Variants in MAT1A observed in about 807,000 individuals in gnomAD.
MAT1A encodes the protein S-adenosylmethionine synthase isoform type-1.
MAT1A carries 19 observed loss-of-function variants against 44.0 expected under a neutral mutation model. That is an observed-to-expected ratio of 0.43 (90% CI 0.30 to 0.63). MAT1A has a LOEUF of 0.63. Ranked by LOEUF, MAT1A falls within the 30% of genes least tolerant of loss-of-function variation. The probability of loss-of-function intolerance (pLI) is 0.12; values close to 1 mark genes in which losing one functional copy is unlikely to be tolerated. For synonymous variants in MAT1A, 205 were observed against 205.6 expected (o/e 1.00, Z 0.03); for missense variants, 397 against 531.0 (o/e 0.75, Z 2.48).
intron 3 of MAT1A, among the ~76,000 whole-genome samples, chr10:80,281,677 A>G (rs1475676895): frequency 6.6e-6 from 1 of 152,172 alleles, no homozygotes; most frequent in Non-Finnish European, 1.5e-5. Context: ...TCCTACCCAC[A>G]CAGCCTGAAA....
At chr10:80,280,901 G>A in intron 3 of MAT1A, 109 bp from the exon 4 acceptor site, 1 of 821,328 alleles carries the variant, frequency 1.2e-6, no homozygotes, top group South Asian at 1.4e-5. Context: ...GTCAGCGTGG[G>A]GGTTCCCTAA....
At chr10:80,288,746 C>A (rs1274740154) in intron 1 of MAT1A, among the ~76,000 whole-genome samples, 2 of 151,990 alleles carry the variant, frequency 1.3e-5, no homozygotes, top group African/African-American at 4.8e-5. Flanking sequence ...TCCCTGTTGA[C>A]TTAAATTGGC....
chr10:80,273,729 G>A lies in MAT1A; in HGVS notation c.*52C>T. The stretch of plus-strand genomic sequence containing the variant: ...GCAGCCAGGCGTCTGGGGAAGAGGA[G>A]CATGGCCACCAGGTGCCTCCAGGGT... On this transcript the variant is annotated 3_prime_UTR_variant, in exon 9 of 9. Transcript: ENST00000372213. 1.1e-5 allele frequency: 14 copies of A among 1,310,698 alleles called. No homozygotes were observed. Among genetic ancestry groups the A allele is most frequent in the Non-Finnish European group, 1.5e-5 (14 of 905,788 alleles). The allele number at this position is 1,310,698 out of a possible 1,614,324, so 81.2% of individuals were successfully genotyped here.
At chr10:80,286,366 G>A (rs765100105) in intron 1 of MAT1A, among the ~76,000 whole-genome samples, 5 of 152,078 alleles carry the variant, frequency 3.3e-5, no homozygotes, top group Admixed American at 1.3e-4. Context: ...GCAATGCACC[G>A]TATATAAAAC....
At chr10:80,274,894 A>C in intron 7 of MAT1A, 123 bp downstream of exon 7, 1 of 1,327,096 alleles carries the variant, frequency 7.5e-7, no homozygotes, top group Non-Finnish European at 1.0e-6. Context: ...CAACACAATC[A>C]CACAATCACA....
rs1841638902 is a variant in MAT1A, at chr10:80,285,536, C to G, written c.145G>C (p.Asp49His). The G allele has an allele frequency of 6.2e-7, 1 of 1,614,164 alleles. No individual in the cohort carries two copies. Among genetic ancestry groups the G allele is most frequent in the Non-Finnish European group, 8.5e-7 (1 of 1,180,016 alleles). ...CCACAGGCCACCTTGGCATTGGGGT[C>G]TTGCTTGAGATGGGCATCCAGCACT... ...DAVLDAHLKQ[D>H]PNAKVACETV... Residue 49 changes from aspartate to histidine, a missense_variant, in exon 2 of 9, where the codon GAC becomes CAC. By Grantham distance (81) the Asp-to-His change is moderately conservative. Coordinates refer to ENST00000372213, the MANE Select transcript of MAT1A (RefSeq NM_000429.3).
intron 5 of MAT1A, among the ~76,000 whole-genome samples, chr10:80,277,580 C>T (rs1841507821): frequency 6.6e-6 from 1 of 152,144 alleles, no homozygotes; most frequent in South Asian, 2.1e-4. Flanking sequence ...GGGAAAGGGG[C>T]TGGAATCTGG....
chr10:80,273,667 C>A lies in MAT1A; in HGVS notation c.*114G>T. Reference sequence around the variant, plus strand: ...GACAGGCTAAATGAGAGGGACCTGGCTTTGCCCTGAGGGTTGGTGGGTGGG... The same window carrying A: ...GACAGGCTAAATGAGAGGGACCTGGATTTGCCCTGAGGGTTGGTGGGTGGG... On this transcript the variant is annotated 3_prime_UTR_variant, in exon 9 of 9. Transcript: ENST00000372213. The A allele has an allele frequency of 1.2e-6, 1 of 813,884 alleles. No homozygotes were observed. Among genetic ancestry groups the A allele is most frequent in the Non-Finnish European group, 2.2e-6 (1 of 454,100 alleles). 50.4% of individuals were successfully genotyped at this position (813,884 alleles called of 1,614,324 possible). A position where few individuals can be genotyped will look rare whatever the true frequency, so the allele number is the denominator to read the frequency against.
In MAT1A at chr10:80,273,820, G is replaced by A. The variant is rs777184287; in HGVS notation, c.1149C>T (p.Ser383=). ...TCCTGGGAACCTCCCATGGGAACTC[G>A]CTTCTTCCGAAATGGCCGTAGCATG... ...KTACYGHFGR[S]EFPWEVPRKL... Residue 383 remains serine, a synonymous_variant, in exon 9 of 9, where the codon AGC becomes AGT. Transcript: ENST00000372213. The A allele has an allele frequency of 3.7e-6, 6 of 1,613,812 alleles. No individual in the cohort carries two copies. Among genetic ancestry groups the A allele is most frequent in the African/African-American group, 1.3e-5 (1 of 75,024 alleles).
Position 80,276,549 on chromosome 10 carries a change from G to C in MAT1A, c.595C>G (p.Arg199Gly). 1 of 1,613,676 alleles carries C rather than the reference G, an allele frequency of 6.2e-7. No individual in the cohort carries two copies. The highest frequency in any genetic ancestry group is 8.5e-7 in the Non-Finnish European group (1 of 1,180,042). ...MQDNGAVIPV[R>G]IHTIVISVQH... is the part of the protein sequence containing the mutation. ...ACAGAGATGACGATGGTGTGGATGC[G>C]CACAGGGATGACTGCGCCATTGTCC... is the stretch of plus-strand genomic sequence containing the variant. The change falls in exon 6 of 9, where the codon CGC (arginine) becomes GGC (glycine). Residue 199 changes from arginine (R) to glycine (G), a missense_variant. By Grantham distance (125) the Arg-to-Gly change is moderately radical. Transcript: ENST00000372213.
chr10:80,282,308 G>A (rs1841577599), intron 3 of MAT1A, among the ~76,000 whole-genome samples: 1 of 152,204 alleles, frequency 6.6e-6, no homozygotes, highest in Admixed American at 6.5e-5. Flanking sequence ...GCAGCCAGGA[G>A]CAACGAGGAG....
In MAT1A at chr10:80,283,768, C is replaced by T. The variant is rs1841601213; in HGVS notation, c.292+148G>A. The T allele has an allele frequency of 7.1e-6, 9 of 1,261,182 alleles. No homozygotes were observed. The African/African-American group carries it at 1.2e-4, about 16-fold the overall frequency. 78.1% of individuals were successfully genotyped at this position (1,261,182 alleles called of 1,614,324 possible). A position where few individuals can be genotyped will look rare whatever the true frequency, so the allele number is the denominator to read the frequency against. ...CATCCTTATGCCAGAGTCTTTGACCCCTGGAACCTGACAGACAAGTGTAGG... is the reference window on the plus strand; with the variant it reads ...CATCCTTATGCCAGAGTCTTTGACCTCTGGAACCTGACAGACAAGTGTAGG... On this transcript the variant is annotated intron_variant, in intron 3 of 8. Transcript: ENST00000372213.
intron 7 of MAT1A, 68 bp from the exon 8 acceptor site, chr10:80,274,721 C>T (rs1841458873): frequency 3.1e-6 from 5 of 1,606,942 alleles, no homozygotes; most frequent in South Asian, 2.2e-5. Flanking sequence ...AGAAGCTTTG[C>T]CCTTCTTCTG....
intron 1 of MAT1A, among the ~76,000 whole-genome samples, chr10:80,288,865 C>T (rs1841682962): frequency 6.6e-6 from 1 of 152,254 alleles, no homozygotes; most frequent in South Asian, 2.1e-4. Flanking sequence ...CTGCTACTCC[C>T]TGTCTTGGAC....
At chr10:80,277,710 G>A (rs1459995032) in intron 5 of MAT1A, among the ~76,000 whole-genome samples, 4 of 152,148 alleles carry the variant, frequency 2.6e-5, no homozygotes, top group Admixed American at 2.6e-4. Flanking sequence ...CGTCTCCACT[G>A]CTCCCCTGGG....
intron 3 of MAT1A, among the ~76,000 whole-genome samples, chr10:80,281,387 C>T (rs1010741545): frequency 4.6e-5 from 7 of 152,174 alleles, no homozygotes; most frequent in African/African-American, 1.4e-4. Flanking sequence ...CCTGCCCTTT[C>T]CCATCTACAA....
Position 80,276,534 on chromosome 10 carries a change from CGAT to C in MAT1A, c.607_609del (p.Ile203del), listed in dbSNP as rs1841487840. 2 of 1,613,988 alleles carry C rather than the reference CGAT, an allele frequency of 1.2e-6. No individual in the cohort carries two copies. Among genetic ancestry groups the C allele is most frequent in the South Asian group, 1.1e-5 (1 of 91,080 alleles). On this transcript the variant is annotated inframe_deletion, in exon 6 of 9. Transcript: ENST00000372213. ...TCTTCGTTGTGCTGCACAGAGATGA[CGAT>C]GGTGTGGATGCGCACAGGGATGACT...
chr10:80,280,105 G>T, intron 5 of MAT1A, 68 bp downstream of exon 5: 2 of 1,546,816 alleles, frequency 1.3e-6, no homozygotes, highest in South Asian at 1.1e-5. Context: ...ACACAATCAA[G>T]AATCAAGAGG....
chr10:80,289,498 CT>C lies in MAT1A; in HGVS notation c.-76del. On this transcript the variant is annotated 5_prime_UTR_variant, in exon 1 of 9. Transcript: ENST00000372213. The stretch of plus-strand genomic sequence containing the variant: ...TGTGACTTTGCCTGAGTTTTTTTTT[CT>C]TCTTCTTCTTCTTCTTTCAACCCAA... 1.3e-6 allele frequency: 1 copy of C among 796,674 alleles called. No individual in the cohort carries two copies. The highest frequency in any genetic ancestry group is 1.8e-5 in the African/African-American group (1 of 54,822). 49.4% of individuals were successfully genotyped at this position (796,674 alleles called of 1,614,324 possible).
Sources: allele counts gnomAD v4.1 joint callset (sites outside exome capture counted in the v4.1 genomes callset), GRCh38; gene constraint gnomAD v4.1.1; transcripts MANE v1.5; gene names NCBI Gene and HGNC (gene_info 2026-07-23, HGNC 2026-07-21).